UBE2G1: variants seen among roughly 807,000 people sequenced by gnomAD.
The protein encoded by UBE2G1 is ubiquitin conjugating enzyme E2 G1.
A neutral mutation model predicts 22.7 loss-of-function variants in UBE2G1; 5 were observed. That is an observed-to-expected ratio of 0.22 (90% confidence interval 0.12 to 0.46). The LOEUF (loss-of-function observed/expected upper bound fraction) is 0.46, where lower values mean the gene tolerates loss of function less well. Among genes scored for constraint, UBE2G1 ranks in the 20% least tolerant of loss-of-function variants. The pLI, the probability that UBE2G1 is intolerant of heterozygous loss-of-function variation, is 0.99. For missense variants in UBE2G1, 88 were observed against 203.9 expected, an observed-to-expected ratio of 0.43 and a Z score of 3.46; for synonymous variants, 74 against 67.5, an observed-to-expected ratio of 1.10 and a Z score of -0.47.
chr17:4,280,788 T>A (rs895513383), intron 5 of UBE2G1, among the ~76,000 whole-genome samples: 1 of 151,952 alleles, frequency 6.6e-6, no homozygotes, highest in African/African-American at 2.4e-5. Context: ...CGCACGCCAC[T>A]GTGCCTGGCT....
At chr17:4,338,473 TC>T (rs1259783459) in intron 1 of UBE2G1, among the ~76,000 whole-genome samples, 1 of 151,952 alleles carries the variant, frequency 6.6e-6, no homozygotes, top group Non-Finnish European at 1.5e-5. Context: ...CACAGTTAGC[TC>T]CCCCCTCAAC....
intron 1 of UBE2G1, among the ~76,000 whole-genome samples, chr17:4,358,415 G>C (rs1307691059): frequency 6.6e-6 from 1 of 151,872 alleles, no homozygotes; most frequent in Non-Finnish European, 1.5e-5. Context: ...ACAGATGAGA[G>C]CCACCACACC....
intron 1 of UBE2G1, among the ~76,000 whole-genome samples, chr17:4,307,331 T>A (rs1969259197): frequency 6.6e-6 from 1 of 152,174 alleles, no homozygotes. Context: ...ATCCAGAAGA[T>A]CAACTTCTAC....
At chr17:4,288,099 GA>G (rs1968990169) in intron 4 of UBE2G1, among the ~76,000 whole-genome samples, 1 of 152,126 alleles carries the variant, frequency 6.6e-6, no homozygotes, top group African/African-American at 2.4e-5. Context: ...AACTGTTTAG[GA>G]AAAAAAGTTG....
intron 1 of UBE2G1, among the ~76,000 whole-genome samples, chr17:4,327,053 T>C (rs962412890): frequency 2.0e-5 from 3 of 152,126 alleles, no homozygotes; most frequent in Non-Finnish European, 4.4e-5. Context: ...CCCAGTACTT[T>C]GGGAGGCCGA....
intron 1 of UBE2G1, among the ~76,000 whole-genome samples, chr17:4,356,816 T>C (rs1597267698): frequency 6.6e-6 from 1 of 152,358 alleles, no homozygotes; most frequent in East Asian, 1.9e-4. Flanking sequence ...TGTAGTTGTA[T>C]TTATAACTAC....
At chr17:4,298,928 G>C (rs1010627947) in intron 2 of UBE2G1, among the ~76,000 whole-genome samples, 1 of 152,196 alleles carries the variant, frequency 6.6e-6, no homozygotes, top group East Asian at 1.9e-4. Context: ...TGGAATAGCT[G>C]TTGTGAAGAG....
intron 1 of UBE2G1, among the ~76,000 whole-genome samples, chr17:4,321,047 A>G (rs1969431173): frequency 6.6e-6 from 1 of 152,156 alleles, no homozygotes; most frequent in Non-Finnish European, 1.5e-5. Context: ...GTTCTGGGGG[A>G]TGAAGAGGGA....
intron 1 of UBE2G1, among the ~76,000 whole-genome samples, chr17:4,312,388 T>G (rs1242344424): frequency 2.0e-5 from 3 of 151,688 alleles, no homozygotes; most frequent in South Asian, 4.2e-4. Flanking sequence ...TAGAAAATAT[T>G]AACAACTGAG....
intron 1 of UBE2G1, among the ~76,000 whole-genome samples, chr17:4,333,253 G>A (rs1459891509): frequency 6.6e-6 from 1 of 152,134 alleles, no homozygotes; most frequent in Non-Finnish European, 1.5e-5. Context: ...AAATGTGCAA[G>A]TCTACTGAAA....
chr17:4,365,910 G>T (rs894185292), intron 1 of UBE2G1, among the ~76,000 whole-genome samples: 1 of 152,020 alleles, frequency 6.6e-6, no homozygotes, highest in South Asian at 2.1e-4. Context: ...GGCGGCCCCG[G>T]CAGCACCTGA....
intron 1 of UBE2G1, among the ~76,000 whole-genome samples, chr17:4,364,777 T>C (rs1459111683): frequency 2.6e-5 from 4 of 151,838 alleles, no homozygotes; most frequent in African/African-American, 9.7e-5. Context: ...GACGGGGGTT[T>C]CACCACTTTG....
At chr17:4,301,284 A>G in intron 2 of UBE2G1, 1 of 402,300 alleles carries the variant, frequency 2.5e-6, no homozygotes, top group Non-Finnish European at 4.7e-6. Context: ...CTCCGTGGGC[A>G]CTGCTTTTCT....
At chr17:4,297,022 C>G (rs1036210905) in intron 2 of UBE2G1, among the ~76,000 whole-genome samples, 1 of 152,176 alleles carries the variant, frequency 6.6e-6, no homozygotes, top group African/African-American at 2.4e-5. Flanking sequence ...TTCAAGAGAG[C>G]TGGTAAAATG....
At chr17:4,327,657 A>T (rs1424352372) in intron 1 of UBE2G1, among the ~76,000 whole-genome samples, 1 of 152,122 alleles carries the variant, frequency 6.6e-6, no homozygotes, top group South Asian at 2.1e-4. Flanking sequence ...GAGTAGTTAA[A>T]AAGTCCAATA....
At chr17:4,315,076 T>A (rs1969350415) in intron 1 of UBE2G1, among the ~76,000 whole-genome samples, 1 of 152,190 alleles carries the variant, frequency 6.6e-6, no homozygotes, top group Non-Finnish European at 1.5e-5. Flanking sequence ...TTTCTTACCA[T>A]TTTTAGAGAT....
chr17:4,317,685 T>C (rs780476030), intron 1 of UBE2G1, among the ~76,000 whole-genome samples: 2 of 152,236 alleles, frequency 1.3e-5, no homozygotes, highest in Non-Finnish European at 2.9e-5. Flanking sequence ...CTGGACCACA[T>C]TCCTAAAATA....
intron 4 of UBE2G1, among the ~76,000 whole-genome samples, chr17:4,287,441 T>A (rs1807150460): frequency 6.6e-6 from 1 of 152,168 alleles, no homozygotes; most frequent in South Asian, 2.1e-4. Flanking sequence ...TAGTTGAGCA[T>A]GAACCATATA....
At chr17:4,310,807 T>C (rs1969301115) in intron 1 of UBE2G1, among the ~76,000 whole-genome samples, 1 of 152,132 alleles carries the variant, frequency 6.6e-6, no homozygotes, top group South Asian at 2.1e-4. Flanking sequence ...TTGAAAAGTG[T>C]ACCTCGAGTA....
Sources: allele counts gnomAD v4.1 joint callset (sites outside exome capture counted in the v4.1 genomes callset), GRCh38; gene constraint gnomAD v4.1.1; transcripts MANE v1.5; gene names NCBI Gene and HGNC (gene_info 2026-07-23, HGNC 2026-07-21).